Variants in LMO4 observed in about 807,000 individuals in gnomAD.
LMO4 encodes the protein LIM domain only 4.
In LMO4, 3 loss-of-function variants were observed where a neutral mutation model predicts 18.5. The ratio of observed to expected loss-of-function variants is 0.16; its 90% CI spans 0.07 to 0.42. LMO4 has a LOEUF of 0.42. LMO4 is among the 10% of genes least tolerant of loss of function. LMO4 has a pLI of 0.99. For synonymous variants in LMO4, 100 were observed against 88.1 expected, an observed-to-expected ratio of 1.14 and a Z score of -0.76; for missense variants, 121 against 219.9, an observed-to-expected ratio of 0.55 and a Z score of 2.84.
In LMO4 at chr1:87,339,517, C is replaced by T. The variant is rs767499621; in HGVS notation, c.237-19C>T. On this transcript the variant is annotated intron_variant, in intron 2 of 4. Coordinates refer to ENST00000370544, the MANE Select transcript of LMO4 (RefSeq NM_006769.4). ...GTTTAGGATTATTCACTGGTGTCAA[C>T]CGTTATTCTTTGTTTCAGGTTATTT... 1.9e-6 allele frequency: 3 copies of T among 1,585,946 alleles called. No homozygotes were observed. The highest frequency in any genetic ancestry group is 1.7e-6 in the Non-Finnish European group (2 of 1,154,576).
intron 2 of LMO4, among the ~76,000 whole-genome samples, chr1:87,336,920 C>T (rs892676274): frequency 3.3e-5 from 5 of 152,046 alleles, no homozygotes; most frequent in African/African-American, 1.2e-4. Context: ...AAACACTGTC[C>T]GGACAGTCCC....
rs1650415191 is a variant in LMO4 at position 87,339,636 on chromosome 1, G to C, written c.333+4G>C. 2 of 1,578,724 alleles carry C rather than the reference G, an allele frequency of 1.3e-6. No homozygotes were observed. The highest frequency in any genetic ancestry group is 1.1e-5 in the South Asian group (1 of 89,526). ...AGGCAATGTGTATCATCTTAAGGTA[G>C]TATTTGCATCTCTCTTTTTTTTTTA... On this transcript the variant is annotated splice_donor_region_variant and intron_variant, in intron 3 of 4. Transcript: ENST00000370544.
chr1:87,340,390 TAAA>T (rs200929545), intron 4 of LMO4, among the ~76,000 whole-genome samples, 188 bp downstream of exon 4: 2 of 150,318 alleles, frequency 1.3e-5, no homozygotes, highest in African/African-American at 2.4e-5. Flanking sequence ...CCTTTCTAGT[TAAA>T]AAAAAAATCC....
chr1:87,333,410 T>C (rs1650207622), intron 2 of LMO4, among the ~76,000 whole-genome samples: 3 of 152,356 alleles, frequency 2.0e-5, no homozygotes, highest in South Asian at 2.1e-4. Context: ...AAGTGATTAG[T>C]AGAAAATTTT....
chr1:87,340,804 G>A (rs899151535), intron 4 of LMO4, among the ~76,000 whole-genome samples: 14 of 152,196 alleles, frequency 9.2e-5, no homozygotes, highest in Non-Finnish European at 1.3e-4. Flanking sequence ...TTGCTAACCC[G>A]CTTAGTGCCA....
At position 87,348,323 on chromosome 1, in the gene LMO4, C is replaced by T. The variant is rs552027282; in HGVS notation, c.*3527C>T. 39 of 220,280 alleles carry T rather than the reference C, an allele frequency of 1.8e-4. No homozygotes were observed. The highest frequency in any genetic ancestry group is 2.9e-4 in the Non-Finnish European group (31 of 106,808). The allele number at this position is 220,280 out of a possible 1,614,324, so 13.6% of individuals were successfully genotyped here. ...GGTGCTGTCCCACCTATGACCCCTT[C>T]AAGAGGCCATTGGAAAAAGGCCATT... On this transcript the variant is annotated 3_prime_UTR_variant, in exon 5 of 5. Coordinates refer to ENST00000370544, the MANE Select transcript of LMO4 (RefSeq NM_006769.4).
At chr1:87,337,084 A>T (rs1268506416) in intron 2 of LMO4, among the ~76,000 whole-genome samples, 1 of 152,218 alleles carries the variant, frequency 6.6e-6, no homozygotes, top group Non-Finnish European at 1.5e-5. Context: ...CACGTAAGTT[A>T]TTCTGCTCTG....
intron 2 of LMO4, among the ~76,000 whole-genome samples, chr1:87,339,227 CT>C (rs34448167): frequency 0.25 from 37,580 of 147,616 alleles, 4,713 homozygotes; most frequent in Non-Finnish European, 0.27. Context: ...TGAATTGTAT[CT>C]TTTTTTTTTT....
At position 87,348,758 on chromosome 1, in the gene LMO4, TC is replaced by T; in HGVS notation, c.*3964del. 1 of 516,494 alleles carries T rather than the reference TC, an allele frequency of 1.9e-6. No individual in the cohort carries two copies. Among genetic ancestry groups the T allele is most frequent in the Non-Finnish European group, 3.9e-6 (1 of 258,820 alleles). 32.0% of individuals were successfully genotyped at this position (516,494 alleles called of 1,614,324 possible). ...TTATGCTAGTAGATATGTGCATGTT[TC>T]CTAGAGGGAATGTTTTCAAGTTCAG... On this transcript the variant is annotated 3_prime_UTR_variant, in exon 5 of 5. Transcript: ENST00000370544.
At chr1:87,339,293 A>G (rs1365617570) in intron 2 of LMO4, among the ~76,000 whole-genome samples, 2 of 151,820 alleles carry the variant, frequency 1.3e-5, no homozygotes, top group Non-Finnish European at 2.9e-5. Flanking sequence ...TGTATTTGCT[A>G]GAGGTGTAAG....
At chr1:87,343,460 T>G (rs1650549699) in intron 4 of LMO4, among the ~76,000 whole-genome samples, 1 of 152,198 alleles carries the variant, frequency 6.6e-6, no homozygotes, top group Non-Finnish European at 1.5e-5. Context: ...ATTTTTTCTT[T>G]TGTAGATTGC....
At position 87,347,419 on chromosome 1, in the gene LMO4, C is replaced by G. The variant is rs548191707; in HGVS notation, c.*2623C>G. On this transcript the variant is annotated 3_prime_UTR_variant, in exon 5 of 5. Transcript: ENST00000370544. ...CTCAGGTTTATTCTGATGTGAGCAG[C>G]GATTGTGTGCAGTTCCTCCCCCAAT... The G allele has an allele frequency of 6.6e-6, 1 of 151,834 alleles. No homozygotes were observed. Among genetic ancestry groups the G allele is most frequent in the Non-Finnish European group, 1.5e-5 (1 of 67,994 alleles). The allele number at this position is 151,834 out of a possible 1,614,324, so 9.4% of individuals were successfully genotyped here.
rs888717961 is a variant in LMO4 at position 87,348,921 on chromosome 1, C to G, written c.*4125C>G. 7.3e-6 allele frequency: 3 copies of G among 408,486 alleles called. No homozygotes were observed. The highest frequency in any genetic ancestry group is 9.8e-6 in the Non-Finnish European group (2 of 203,850). 25.3% of individuals were successfully genotyped at this position (408,486 alleles called of 1,614,324 possible). Reference sequence around the variant, plus strand: ...AACTAATAAAGCAGAGGATGAAAATCAATTGATTCTGTTATAAGTTCTTTG... The same window carrying G: ...AACTAATAAAGCAGAGGATGAAAATGAATTGATTCTGTTATAAGTTCTTTG... On this transcript the variant is annotated 3_prime_UTR_variant, in exon 5 of 5. Transcript: ENST00000370544.
rs373000737 is a variant in LMO4 at position 87,332,058 on chromosome 1, G to T, written c.43G>T (p.Ala15Ser). Reference protein sequence around the residue: ...GSSSQPPPVTAGSLSWKRCAG... With the variant: ...GSSSQPPPVTSGSLSWKRCAG... ...CAGCTCGCAGCCGCCCCCGGTGACG[G>T]CCGGCTCCCTCTCCTGGAAGCGGTG... Residue 15 changes from alanine to serine, a missense_variant, in exon 2 of 5, where the codon GCC becomes TCC. Around this residue, in one of 4 missense-constraint regions of LMO4, gnomAD observed 51 missense variants for 56.8 expected, o/e 0.90. Coordinates refer to ENST00000370544, the MANE Select transcript of LMO4 (RefSeq NM_006769.4). 2 of 1,613,322 alleles carry T rather than the reference G, an allele frequency of 1.2e-6. No homozygotes were observed. The highest frequency in any genetic ancestry group is 1.3e-5 in the African/African-American group (1 of 74,938).
At chr1:87,335,608 G>A (rs373966525) in intron 2 of LMO4, among the ~76,000 whole-genome samples, 3 of 152,268 alleles carry the variant, frequency 2.0e-5, no homozygotes, top group African/African-American at 4.8e-5. Context: ...AGAATTGGTA[G>A]TTGGTGGTGG....
rs1437643028 is a variant in LMO4, at chr1:87,346,303, C to G, written c.*1507C>G. On this transcript the variant is annotated 3_prime_UTR_variant, in exon 5 of 5. Coordinates refer to ENST00000370544, the MANE Select transcript of LMO4 (RefSeq NM_006769.4). The stretch of plus-strand genomic sequence containing the variant: ...TGTCCACCACAGTGCCTGCACTGCC[C>G]GCAGAGCTGCCCTCCGGAAAGCATG... 6.6e-6 allele frequency: 1 copy of G among 152,154 alleles called. No individual in the cohort carries two copies. Among genetic ancestry groups the G allele is most frequent in the South Asian group, 2.1e-4 (1 of 4,832 alleles). 9.4% of individuals were successfully genotyped at this position (152,154 alleles called of 1,614,324 possible).
At chr1:87,339,741 C>T (rs1570653920) in intron 3 of LMO4, 109 bp downstream of exon 3, 1 of 739,604 alleles carries the variant, frequency 1.4e-6, no homozygotes, top group East Asian at 2.7e-5. Flanking sequence ...AAGCTGCAGA[C>T]ACTTGAAGGA....
intron 4 of LMO4, among the ~76,000 whole-genome samples, chr1:87,343,678 T>C (rs1650554671): frequency 6.6e-6 from 1 of 152,214 alleles, no homozygotes; most frequent in Non-Finnish European, 1.5e-5. Context: ...TAGAAGACAT[T>C]TGATGCTCAT....
intron 4 of LMO4, among the ~76,000 whole-genome samples, chr1:87,342,658 T>G (rs1037217792): frequency 6.6e-6 from 1 of 152,126 alleles, no homozygotes; most frequent in Non-Finnish European, 1.5e-5. Context: ...TAAGAACATT[T>G]CCCTGTTGGC....
Sources: gnomAD v4.1 joint callset for allele counts (sites outside exome capture counted in the v4.1 genomes callset) on GRCh38, gnomAD v4.1.1 for gene constraint, gnomAD v4.1.1 regional missense constraint, MANE v1.5 for transcripts, NCBI Gene and HGNC (gene_info 2026-07-23, HGNC 2026-07-21) for gene names.